The following DGKG variants were observed in gnomAD, a reference collection of about 807,000 sequenced individuals.
DGKG encodes the protein diacylglycerol kinase gamma, also known as DAG kinase gamma.
Under a neutral mutation model 105.3 loss-of-function variants are expected in DGKG, and 78 were observed. That is an observed-to-expected ratio of 0.74 (90% CI 0.62 to 0.89). The LOEUF (loss-of-function observed/expected upper bound fraction) is 0.89, where lower values mean the gene tolerates loss of function less well. Ranked by LOEUF, DGKG falls within the 40% of genes least tolerant of loss-of-function variation. DGKG has a pLI of 0.00. For synonymous variants in DGKG, 346 were observed against 367.1 expected (o/e 0.94, Z 0.66); for missense variants, 958 against 1,020.1 (o/e 0.94, Z 0.83).
intron 10 of DGKG, among the ~76,000 whole-genome samples, chr3:186,272,643 G>A (rs1202114610): frequency 1.3e-5 from 2 of 152,230 alleles, no homozygotes; most frequent in African/African-American, 2.4e-5. Context: ...AGGGGAGTGT[G>A]CGGCATCATC....
intron 2 of DGKG, chr3:186,313,643 A>G (rs1244514979): frequency 3.2e-6 from 1 of 308,378 alleles, no homozygotes; most frequent in African/African-American, 2.3e-5. Context: ...CCCCAGACCT[A>G]CTGATTCACA....
At chr3:186,350,906 T>C (rs1240666540) in intron 1 of DGKG, among the ~76,000 whole-genome samples, 2 of 152,176 alleles carry the variant, frequency 1.3e-5, no homozygotes, top group Non-Finnish European at 1.5e-5. Flanking sequence ...TTTTGAGAAA[T>C]GTCTTTCAAG....
At chr3:186,257,686 T>A (rs1418270118) in intron 17 of DGKG, 168 bp downstream of exon 17, 1 of 549,024 alleles carries the variant, frequency 1.8e-6, no homozygotes, top group African/African-American at 1.9e-5. Flanking sequence ...TATTTCTTTT[T>A]TTTTTTTTTT....
intron 20 of DGKG, among the ~76,000 whole-genome samples, chr3:186,224,379 C>T (rs987194124): frequency 6.6e-6 from 1 of 152,138 alleles, no homozygotes; most frequent in Admixed American, 6.5e-5. Context: ...TGCCCATGTC[C>T]CTTAGCTTGC....
At chr3:186,234,583 C>T (rs537790254) in intron 20 of DGKG, among the ~76,000 whole-genome samples, 19 of 152,252 alleles carry the variant, frequency 1.2e-4, no homozygotes, top group African/African-American at 2.4e-4. Context: ...GATCACAAAC[C>T]GATTCTACTC....
intron 21 of DGKG, among the ~76,000 whole-genome samples, chr3:186,209,899 C>T (rs2268841): frequency 0.58 from 88,566 of 152,030 alleles, 26,285 homozygotes; most frequent in East Asian, 0.93. Flanking sequence ...CCCACTCCCC[C>T]AGCTAATCCT....
chr3:186,152,902 T>G (rs558759145), intron 24 of DGKG, among the ~76,000 whole-genome samples: 33 of 151,732 alleles, frequency 2.2e-4, no homozygotes, highest in Admixed American at 2.0e-3. Flanking sequence ...GACCTCATGA[T>G]CCGCCCGTGT....
chr3:186,150,002 ATGTG>A lies in DGKG; in HGVS notation c.*84_*87del. 6.6e-7 allele frequency: 1 copy of A among 1,511,052 alleles called. No individual in the cohort carries two copies. Among genetic ancestry groups the A allele is most frequent in the South Asian group, 1.3e-5 (1 of 78,306 alleles). 93.6% of individuals were successfully genotyped at this position (1,511,052 alleles called of 1,614,324 possible). A position where few individuals can be genotyped will look rare whatever the true frequency, so the allele number is the denominator to read the frequency against. ...AGTGTGTATGTGTGTGTGTGTGTGC[ATGTG>A]TGAGTGTGCACATAAATTGTGTGTG... On this transcript the variant is annotated 3_prime_UTR_variant, in exon 25 of 25. Coordinates refer to ENST00000265022, the MANE Select transcript of DGKG (RefSeq NM_001346.3).
chr3:186,257,763 C>T lies in DGKG; in HGVS notation c.1510+91G>A, dbSNP rs545270767. On this transcript the variant is annotated intron_variant, in intron 17 of 24. Coordinates refer to ENST00000265022, the MANE Select transcript of DGKG (RefSeq NM_001346.3). ...AAGATACAAGGATGAACAGACATGG[C>T]TCCATGTCTCTTTCTTTTTTATTGC... 585 of 967,694 alleles carry T rather than the reference C, an allele frequency of 6.0e-4. 7 individuals are homozygous for T. In the South Asian group the frequency reaches 7.3e-3, roughly 12 times the overall value. 59.9% of individuals were successfully genotyped at this position (967,694 alleles called of 1,614,324 possible).
At chr3:186,359,736 G>A (rs56137944) in intron 1 of DGKG, among the ~76,000 whole-genome samples, 27,949 of 151,998 alleles carry the variant, frequency 0.18, 3,823 homozygotes, top group African/African-American at 0.39. Context: ...GTATAATTTC[G>A]AGGCATAAAA....
chr3:186,229,722 C>T (rs1199806122), intron 20 of DGKG, among the ~76,000 whole-genome samples: 3 of 152,194 alleles, frequency 2.0e-5, no homozygotes, highest in Non-Finnish European at 2.9e-5. Flanking sequence ...GGTGCTCCAT[C>T]GTTCCTCTCA....
intron 19 of DGKG, among the ~76,000 whole-genome samples, chr3:186,249,754 A>T (rs1721117646): frequency 6.6e-6 from 1 of 152,122 alleles, no homozygotes; most frequent in African/African-American, 2.4e-5. Flanking sequence ...AATCGCTTGA[A>T]CCTGGGAAGC....
chr3:186,227,368 A>C (rs977667921), intron 20 of DGKG, among the ~76,000 whole-genome samples: 1 of 152,220 alleles, frequency 6.6e-6, no homozygotes, highest in African/African-American at 2.4e-5. Flanking sequence ...ACATCAGAAC[A>C]TTAGGAATCA....
intron 20 of DGKG, among the ~76,000 whole-genome samples, chr3:186,217,497 A>G (rs142116945): frequency 2.2e-4 from 33 of 152,324 alleles, no homozygotes; most frequent in Admixed American, 3.9e-4. Context: ...GCTCAACTCT[A>G]TTTCTGGGTT....
At chr3:186,188,545 G>A (rs527785021) in intron 21 of DGKG, among the ~76,000 whole-genome samples, 166 bp from the exon 22 acceptor site, 2 of 152,176 alleles carry the variant, frequency 1.3e-5, no homozygotes, top group Admixed American at 6.5e-5. Context: ...GGGCAAAGTC[G>A]CTCAGACTTA....
intron 20 of DGKG, among the ~76,000 whole-genome samples, chr3:186,228,942 C>G (rs1451628718): frequency 6.6e-6 from 1 of 152,160 alleles, no homozygotes; most frequent in African/African-American, 2.4e-5. Flanking sequence ...TGAATGTGAC[C>G]TTATTTGGAA....
chr3:186,305,953 A>T (rs1724216892), intron 3 of DGKG, among the ~76,000 whole-genome samples: 7 of 152,208 alleles, frequency 4.6e-5, no homozygotes, highest in Admixed American at 4.6e-4. Flanking sequence ...TGAGATGCCC[A>T]TTTGATTTTT....
intron 20 of DGKG, among the ~76,000 whole-genome samples, chr3:186,213,820 T>G (rs183314332): frequency 5.9e-4 from 90 of 152,246 alleles, no homozygotes; most frequent in African/African-American, 9.9e-4. Flanking sequence ...CCCAGTGAAA[T>G]GAAAACATGG....
intron 20 of DGKG, among the ~76,000 whole-genome samples, chr3:186,214,169 G>C (rs1254274418): frequency 1.3e-5 from 2 of 152,152 alleles, no homozygotes; most frequent in Non-Finnish European, 2.9e-5. Flanking sequence ...AGGTTAAGAG[G>C]TCACGGTTAG....
Sources: allele counts gnomAD v4.1 joint callset (sites outside exome capture counted in the v4.1 genomes callset), GRCh38; gene constraint gnomAD v4.1.1; transcripts MANE v1.5; gene names NCBI Gene and HGNC (gene_info 2026-07-23, HGNC 2026-07-21).